Variants in NRG1 observed in about 807,000 individuals in gnomAD.
The protein encoded by NRG1 is pro-neuregulin-1, membrane-bound isoform.
Under a neutral mutation model 63.8 loss-of-function variants are expected in NRG1, and 18 were observed. That is an observed-to-expected ratio of 0.28 (90% CI 0.19 to 0.42). The LOEUF is 0.42. NRG1 is among the 10% of genes least tolerant of loss of function. The pLI is 1.00. For synonymous variants in NRG1, 302 were observed against 301.3 expected (o/e 1.00, Z -0.02); for missense variants, 762 against 814.7 (o/e 0.94, Z 0.79).
intron 1 of NRG1, among the ~76,000 whole-genome samples, chr8:32,261,023 T>C (rs1166402442): frequency 6.6e-6 from 1 of 152,190 alleles, no homozygotes; most frequent in Non-Finnish European, 1.5e-5. Context: ...TTGTACTTGA[T>C]ATGATGACTC....
chr8:32,716,525 G>A lies in NRG1; in HGVS notation c.503-11424G>A, dbSNP rs111747407. Among the ~76,000 whole-genome samples, 9 of 152,228 alleles carry A rather than the reference G, an allele frequency of 5.9e-5. 1 individual carries two copies. Among genetic ancestry groups the A allele is most frequent in the African/African-American group, 2.2e-4 (9 of 41,526 alleles). On this transcript the variant is annotated intron_variant, in intron 5 of 11. Coordinates refer to ENST00000356819, the Ensembl canonical transcript of NRG1. ...CTGAGTTATTACAGCTCCAGGAGAT[G>A]GAAGTGTTTTATTAGCCCATATATA...
intron 3 of NRG1, among the ~76,000 whole-genome samples, chr8:32,607,405 T>C (rs1204982503): frequency 6.6e-6 from 1 of 152,186 alleles, no homozygotes; most frequent in Non-Finnish European, 1.5e-5. Flanking sequence ...CACTTGGATT[T>C]GATTCGTGTA....
intron 1 of NRG1, among the ~76,000 whole-genome samples, chr8:32,484,893 T>C (rs1167166424): frequency 6.6e-6 from 1 of 152,202 alleles, no homozygotes; most frequent in Non-Finnish European, 1.5e-5. Context: ...CTTCATACCA[T>C]CATCTATCCT....
At chr8:31,755,261 A>G (rs954933941) in intron 1 of NRG1, among the ~76,000 whole-genome samples, 3 of 152,064 alleles carry the variant, frequency 2.0e-5, no homozygotes, top group African/African-American at 7.2e-5. Flanking sequence ...TTATATAAAC[A>G]TGTCTATACC....
intron 1 of NRG1, among the ~76,000 whole-genome samples, chr8:31,813,474 T>C (rs929126369): frequency 1.3e-5 from 2 of 150,782 alleles, no homozygotes; most frequent in African/African-American, 2.4e-5. Flanking sequence ...ACTTTGATCA[T>C]TGACTTTGCT....
At chr8:32,044,340 T>G (rs1022801858) in intron 1 of NRG1, among the ~76,000 whole-genome samples, 1 of 151,810 alleles carries the variant, frequency 6.6e-6, no homozygotes, top group African/African-American at 2.4e-5. Flanking sequence ...CAAACAGAAA[T>G]ATTCACAATT....
At chr8:32,491,096 A>G (rs987974281) in intron 1 of NRG1, among the ~76,000 whole-genome samples, 3 of 152,248 alleles carry the variant, frequency 2.0e-5, no homozygotes, top group Admixed American at 2.0e-4. Flanking sequence ...AATAATCTCT[A>G]TGATGTGGTT....
chr8:32,416,930 C>T (rs1198753457), intron 1 of NRG1, among the ~76,000 whole-genome samples: 2 of 152,156 alleles, frequency 1.3e-5, no homozygotes, highest in African/African-American at 4.8e-5. Flanking sequence ...AAGCAATCCT[C>T]CCACCTTGGC....
chr8:31,694,147 C>G (rs1585717072), intron 1 of NRG1, among the ~76,000 whole-genome samples: 1 of 152,152 alleles, frequency 6.6e-6, no homozygotes, highest in African/African-American at 2.4e-5. Flanking sequence ...CCAGCCCACT[C>G]TGTCTTTTGA....
chr8:32,519,520 G>A (rs1027760144), intron 1 of NRG1, among the ~76,000 whole-genome samples: 15 of 151,430 alleles, frequency 9.9e-5, no homozygotes, highest in Non-Finnish European at 4.4e-5. Context: ...GAGATTATAC[G>A]CAAGATTTGA....
At chr8:32,456,190 G>A (rs761503772) in intron 1 of NRG1, among the ~76,000 whole-genome samples, 14 of 152,082 alleles carry the variant, frequency 9.2e-5, no homozygotes, top group South Asian at 2.1e-4. Flanking sequence ...ATGCACAACC[G>A]AATTTTCATT....
intron 1 of NRG1, among the ~76,000 whole-genome samples, chr8:32,207,748 TTGAC>T (rs542408032): frequency 1.6e-4 from 24 of 152,224 alleles, no homozygotes; most frequent in East Asian, 5.8e-4. Flanking sequence ...ATCTGACTGT[TTGAC>T]TGAGAACAGC....
chr8:31,701,919 A>G (rs1810671642), intron 1 of NRG1, among the ~76,000 whole-genome samples: 1 of 152,206 alleles, frequency 6.6e-6, no homozygotes, highest in South Asian at 2.1e-4. Flanking sequence ...TCCTTGGAGC[A>G]GCCTTGTTGG....
At chr8:31,678,162 C>G (rs1167199790) in intron 1 of NRG1, among the ~76,000 whole-genome samples, 2 of 152,016 alleles carry the variant, frequency 1.3e-5, no homozygotes, top group Non-Finnish European at 2.9e-5. Context: ...GACTTACAAG[C>G]TCACAGGGCA....
intron 1 of NRG1, among the ~76,000 whole-genome samples, chr8:32,005,594 C>T (rs1017457479): frequency 3.3e-5 from 5 of 151,976 alleles, no homozygotes; most frequent in African/African-American, 9.7e-5. Context: ...CAATTTTTCA[C>T]ATCAAGAATT....
At chr8:32,327,845 G>T (rs1352284330) in intron 1 of NRG1, among the ~76,000 whole-genome samples, 1 of 152,186 alleles carries the variant, frequency 6.6e-6, no homozygotes, top group Non-Finnish European at 1.5e-5. Context: ...GAGGCCAGAT[G>T]AATGTGTCAA....
intron 1 of NRG1, among the ~76,000 whole-genome samples, chr8:32,358,405 TCTC>T (rs1166231069): frequency 6.7e-6 from 1 of 149,768 alleles, no homozygotes; most frequent in Non-Finnish European, 1.5e-5. Flanking sequence ...TGGGAGTGGT[TCTC>T]CTCTCTGTTA....
chr8:32,032,171 G>A (rs772780972), intron 1 of NRG1, among the ~76,000 whole-genome samples: 2 of 151,984 alleles, frequency 1.3e-5, no homozygotes, highest in Admixed American at 1.3e-4. Flanking sequence ...GTATCTCATT[G>A]TGGTTTTGAT....
At chr8:32,591,525 C>T (rs957863617) in intron 1 of NRG1, among the ~76,000 whole-genome samples, 42 of 151,924 alleles carry the variant, frequency 2.8e-4, no homozygotes, top group African/African-American at 9.7e-4. Flanking sequence ...GTTGACCTGC[C>T]CAATGAGTGA....
Sources: gnomAD v4.1 joint callset for allele counts (sites outside exome capture counted in the v4.1 genomes callset) on GRCh38, gnomAD v4.1.1 for gene constraint, MANE v1.5 for transcripts, NCBI Gene and HGNC (gene_info 2026-07-23, HGNC 2026-07-21) for gene names.